The following MSI2 variants were observed in gnomAD, a reference collection of about 807,000 sequenced individuals.
MSI2 encodes the protein musashi RNA binding protein 2.
In MSI2, 17 loss-of-function variants were observed where a neutral mutation model predicts 45.6. That is an observed-to-expected ratio of 0.37 (90% CI 0.26 to 0.56). The LOEUF (loss-of-function observed/expected upper bound fraction) is 0.56, where lower values mean the gene tolerates loss of function less well. MSI2 is among the 20% of genes least tolerant of loss of function. The pLI is 0.77. For missense variants in MSI2, 293 were observed against 444.2 expected, an observed-to-expected ratio of 0.66 and a Z score of 3.06; for synonymous variants, 156 against 158.2, an observed-to-expected ratio of 0.99 and a Z score of 0.11.
At chr17:57,485,963 C>A (rs113930690) in intron 6 of MSI2, among the ~76,000 whole-genome samples, 75 of 152,318 alleles carry the variant, frequency 4.9e-4, no homozygotes, top group African/African-American at 1.7e-3. Context: ...TGCAATAGAC[C>A]CAGCTTCTCT....
At chr17:57,546,486 G>C (rs1230056084) in intron 7 of MSI2, among the ~76,000 whole-genome samples, 1 of 152,214 alleles carries the variant, frequency 6.6e-6, no homozygotes, top group Admixed American at 6.5e-5. Context: ...AAATGAGATA[G>C]GGTAAAAAAT....
intron 9 of MSI2, among the ~76,000 whole-genome samples, chr17:57,624,538 A>G (rs1409951610): frequency 1.3e-5 from 2 of 152,160 alleles, no homozygotes; most frequent in Admixed American, 6.5e-5. Flanking sequence ...GCTGAGCTCA[A>G]CATCCCACCG....
At position 57,387,506 on chromosome 17, in the gene MSI2, A is replaced by T. The variant is rs138732449; in HGVS notation, c.313-13873A>T. On this transcript the variant is annotated intron_variant, in intron 5 of 13. Transcript: ENST00000284073. ...GAGAGTGATCTTCCTAATGTGCAAC[A>T]GTCTGTTACTCTTTACAGGGTCAGG... is the stretch of plus-strand genomic sequence containing the variant. 1.1e-3 allele frequency among the ~76,000 whole-genome samples: 170 copies of T among 152,346 alleles called. 1 individual carries two copies. The highest frequency in any genetic ancestry group is 3.9e-3 in the African/African-American group (162 of 41,574).
downstream of MSI2, among the ~76,000 whole-genome samples, chr17:57,686,582 AAAT>A (rs1913888562): frequency 6.6e-6 from 1 of 152,230 alleles, no homozygotes; most frequent in South Asian, 2.1e-4. Context: ...GAAAATAGGC[AAAT>A]ACAAAGAACA....
chr17:57,260,332 C>G (rs1248352365), intron 4 of MSI2, among the ~76,000 whole-genome samples: 3 of 152,156 alleles, frequency 2.0e-5, no homozygotes, highest in African/African-American at 7.2e-5. Context: ...ACACACCATC[C>G]AGGAGTTCTG....
chr17:57,507,203 A>AGTGG (rs2086250530), intron 6 of MSI2, among the ~76,000 whole-genome samples: 3 of 136,950 alleles, frequency 2.2e-5, no homozygotes, highest in South Asian at 2.5e-4. Context: ...ATCTCTTCCC[A>AGTGG]TTGGTTTTTG....
rs9913175 is a variant in MSI2 at position 57,416,762 on chromosome 17, G to A, written c.405+15291G>A. 4.4e-3 allele frequency among the ~76,000 whole-genome samples: 673 copies of A among 152,294 alleles called. 2 individuals are homozygous for A. Among genetic ancestry groups the A allele is most frequent in the African/African-American group, 0.016 (653 of 41,546 alleles). On this transcript the variant is annotated intron_variant, in intron 6 of 13. Coordinates refer to ENST00000284073, the MANE Select transcript of MSI2 (RefSeq NM_138962.4). ...TTAAGGGAGTTCCTGGGGTTGGGGG[G>A]CTGGACGACAGTACATTCAGGAGCT...
intron 5 of MSI2, among the ~76,000 whole-genome samples, chr17:57,330,347 T>C (rs1376527635): frequency 6.6e-6 from 1 of 151,280 alleles, no homozygotes; most frequent in African/African-American, 2.4e-5. Flanking sequence ...TGCAGTGGCG[T>C]GATCTCTGCT....
chr17:57,402,991 G>A (rs535823588), intron 6 of MSI2, among the ~76,000 whole-genome samples: 1 of 152,308 alleles, frequency 6.6e-6, no homozygotes, highest in Non-Finnish European at 1.5e-5. Flanking sequence ...GAGAGGGATT[G>A]GAAATAATTA....
chr17:57,515,439 A>C (rs1031841116), intron 6 of MSI2, among the ~76,000 whole-genome samples: 1 of 152,180 alleles, frequency 6.6e-6, no homozygotes, highest in Non-Finnish European at 1.5e-5. Flanking sequence ...TCCTGACCTC[A>C]GGTGATCCAT....
chr17:57,611,944 G>T (rs1238013355), intron 8 of MSI2, among the ~76,000 whole-genome samples: 1 of 96,066 alleles, frequency 1.0e-5, no homozygotes, highest in Non-Finnish European at 2.5e-5. Flanking sequence ...AAGTTTGGGG[G>T]CAGTTTGTTG....
intron 5 of MSI2, among the ~76,000 whole-genome samples, chr17:57,270,370 C>A (rs931264324): frequency 1.3e-5 from 2 of 152,244 alleles, no homozygotes; most frequent in East Asian, 3.8e-4. Flanking sequence ...GGACCAAAGT[C>A]TCTCTGAATC....
intron 10 of MSI2, among the ~76,000 whole-genome samples, chr17:57,640,360 T>C (rs1910156532): frequency 6.6e-6 from 1 of 152,212 alleles, no homozygotes; most frequent in East Asian, 1.9e-4. Flanking sequence ...ATTATCAATG[T>C]TATCTATTAA....
intron 6 of MSI2, among the ~76,000 whole-genome samples, chr17:57,450,670 CAAAAAAAAAAAAA>C (rs58773765): frequency 9.4e-5 from 3 of 31,940 alleles, no homozygotes; most frequent in East Asian, 1.2e-3. Flanking sequence ...GACTGCATCT[CAAAAAAAAAAAAA>C]AAAAAAAAAA....
chr17:57,492,790 T>C (rs2085901234), intron 6 of MSI2, among the ~76,000 whole-genome samples: 1 of 152,166 alleles, frequency 6.6e-6, no homozygotes. Context: ...AGAGACGGTG[T>C]TTTACCATGT....
At chr17:57,531,159 A>G (rs1409419211) in intron 7 of MSI2, among the ~76,000 whole-genome samples, 1 of 152,116 alleles carries the variant, frequency 6.6e-6, no homozygotes, top group African/African-American at 2.4e-5. Flanking sequence ...ATCTAGCTTT[A>G]TGGTTTCCAA....
At chr17:57,632,089 A>T in intron 10 of MSI2, 1 of 1,279,334 alleles carries the variant, frequency 7.8e-7, no homozygotes. Context: ...CCACTTCCTC[A>T]GAATGTAACG....
At chr17:57,469,275 A>C (rs2085388947) in intron 6 of MSI2, among the ~76,000 whole-genome samples, 1 of 152,272 alleles carries the variant, frequency 6.6e-6, no homozygotes, top group Non-Finnish European at 1.5e-5. Flanking sequence ...GTCTGTAAGC[A>C]TAAAGGATTT....
At chr17:57,284,602 AC>A (rs1403449355) in intron 5 of MSI2, among the ~76,000 whole-genome samples, 1 of 152,208 alleles carries the variant, frequency 6.6e-6, no homozygotes, top group Non-Finnish European at 1.5e-5. Context: ...AAACACTCTG[AC>A]CCCAATTTTT....
Sources: gnomAD v4.1 joint callset for allele counts (sites outside exome capture counted in the v4.1 genomes callset) on GRCh38, gnomAD v4.1.1 for gene constraint, MANE v1.5 for transcripts, NCBI Gene and HGNC (gene_info 2026-07-23, HGNC 2026-07-21) for gene names.